NTM: variants seen among roughly 807,000 people sequenced by gnomAD.
NTM encodes neurotrimin, also known as IgLON family member 2.
NTM carries 13 observed loss-of-function variants against 42.1 expected under a neutral mutation model. The observed-to-expected ratio is 0.31, with a 90% CI of 0.20 to 0.49. The LOEUF is 0.49. Among genes scored for constraint, NTM ranks in the 20% least tolerant of loss-of-function variants. The pLI is 0.99. For synonymous variants in NTM, 187 were observed against 179.2 expected (o/e 1.04, Z -0.35); for missense variants, 373 against 452.8 (o/e 0.82, Z 1.60).
In NTM at chr11:131,533,201, A is replaced by C. The variant is rs565939491; in HGVS notation, c.82+162313A>C. Among the ~76,000 whole-genome samples the C allele has an allele frequency of 2.0e-5, 3 of 152,350 alleles. No homozygotes were observed. The East Asian group carries it at 5.8e-4, about 29-fold the overall frequency. On this transcript the variant is annotated intron_variant, in intron 1 of 8. Transcript: ENST00000683400. Reference sequence around the variant, plus strand: ...TAGCAGAAGTGGGAATGGCAAGCTAAATAACAACCCAGGAAAACCACTGCA... The same window carrying C: ...TAGCAGAAGTGGGAATGGCAAGCTACATAACAACCCAGGAAAACCACTGCA...
At chr11:131,735,574 G>A (rs1055770512) in intron 1 of NTM, among the ~76,000 whole-genome samples, 2 of 152,202 alleles carry the variant, frequency 1.3e-5, no homozygotes, top group African/African-American at 4.8e-5. Flanking sequence ...GGCTAGTCTT[G>A]TTCCACATAT....
intron 1 of NTM, among the ~76,000 whole-genome samples, chr11:131,740,470 C>T (rs1378183170): frequency 6.6e-6 from 1 of 152,170 alleles, no homozygotes; most frequent in Middle Eastern, 3.4e-3. Flanking sequence ...TAGTTCTTAC[C>T]TACTAATTGG....
intron 1 of NTM, among the ~76,000 whole-genome samples, chr11:131,659,241 A>T (rs2067630643): frequency 6.6e-6 from 1 of 152,210 alleles, no homozygotes; most frequent in South Asian, 2.1e-4. Context: ...TCAAGAACAG[A>T]GGTACTGACA....
At chr11:131,906,346 G>A (rs2053851425) in intron 1 of NTM, among the ~76,000 whole-genome samples, 1 of 152,066 alleles carries the variant, frequency 6.6e-6, no homozygotes, top group South Asian at 2.1e-4. Context: ...CCCTGCTGTA[G>A]GAGTCAGGAG....
At position 132,335,256 on chromosome 11, in the gene NTM, A is replaced by G; in HGVS notation, c.*110A>G. On this transcript the variant is annotated 3_prime_UTR_variant, in exon 9 of 9. Coordinates refer to ENST00000683400, the MANE Select transcript of NTM (RefSeq NM_001352005.2). Reference sequence around the variant, plus strand: ...ATCAGATATATACAAATGAAATTAGAAGAAACACAGCCTCATGGGACAGAA... The same window carrying G: ...ATCAGATATATACAAATGAAATTAGGAGAAACACAGCCTCATGGGACAGAA... 8.5e-7 allele frequency: 1 copy of G among 1,177,308 alleles called. No individual in the cohort carries two copies. Among genetic ancestry groups the G allele is most frequent in the Non-Finnish European group, 1.2e-6 (1 of 849,116 alleles). The allele number at this position is 1,177,308 out of a possible 1,614,324, so 72.9% of individuals were successfully genotyped here. A position where few individuals can be genotyped will look rare whatever the true frequency, so the allele number is the denominator to read the frequency against.
intron 6 of NTM, among the ~76,000 whole-genome samples, chr11:132,310,579 A>G (rs539938259): frequency 1.3e-5 from 2 of 152,180 alleles, no homozygotes; most frequent in Admixed American, 1.3e-4. Flanking sequence ...TTTTTACCAC[A>G]TTCTCAGGCT....
At chr11:131,717,052 G>A (rs1565462173) in intron 1 of NTM, among the ~76,000 whole-genome samples, 1 of 151,918 alleles carries the variant, frequency 6.6e-6, no homozygotes, top group Non-Finnish European at 1.5e-5. Context: ...TGTTTCCCAG[G>A]AGTTTCTTGA....
intron 1 of NTM, among the ~76,000 whole-genome samples, chr11:131,603,197 C>A (rs1401927384): frequency 2.0e-5 from 3 of 152,136 alleles, no homozygotes; most frequent in African/African-American, 7.2e-5. Flanking sequence ...TAACTCGGTG[C>A]CATTTATCAT....
chr11:132,335,614 ACGG>A lies in NTM; in HGVS notation c.*471_*473del, dbSNP rs2095866486. ...GGGCACTTTGGTAGACTGTGCCACC[ACGG>A]CGTGTGTTGTGAAACGTGAAATAAA... On this transcript the variant is annotated 3_prime_UTR_variant, in exon 9 of 9. Coordinates refer to ENST00000683400, the MANE Select transcript of NTM (RefSeq NM_001352005.2). 1 of 152,966 alleles carries A rather than the reference ACGG, an allele frequency of 6.5e-6. No homozygotes were observed. 9.5% of individuals were successfully genotyped at this position (152,966 alleles called of 1,614,324 possible). A position where few individuals can be genotyped will look rare whatever the true frequency, so the allele number is the denominator to read the frequency against.
intron 1 of NTM, among the ~76,000 whole-genome samples, chr11:131,487,504 C>G (rs1004132591): frequency 6.6e-6 from 1 of 152,198 alleles, no homozygotes; most frequent in Non-Finnish European, 1.5e-5. Context: ...ACTTCCTGTT[C>G]TGTTATCATT....
At chr11:131,487,020 C>T (rs751073775) in intron 1 of NTM, among the ~76,000 whole-genome samples, 6 of 152,120 alleles carry the variant, frequency 3.9e-5, no homozygotes, top group Non-Finnish European at 7.4e-5. Flanking sequence ...TTCAGTAGCA[C>T]CACGCACCCA....
chr11:132,132,476 G>A (rs2067002364), intron 2 of NTM, among the ~76,000 whole-genome samples: 1 of 152,154 alleles, frequency 6.6e-6, no homozygotes, highest in Admixed American at 6.5e-5. Context: ...CATCTTCACA[G>A]GCATATGAGC....
Position 131,569,013 on chromosome 11 carries a change from C to T in NTM, c.82+198125C>T, listed in dbSNP as rs571655078. On this transcript the variant is annotated intron_variant, in intron 1 of 8. Transcript: ENST00000683400. ...ATTTTGCATCCATTACTGCAATCAACTTTAGAACATTTTCGTTATCCAGAA... is the reference window on the plus strand; with the variant it reads ...ATTTTGCATCCATTACTGCAATCAATTTTAGAACATTTTCGTTATCCAGAA... Among the ~76,000 whole-genome samples, 7 of 152,286 alleles carry T rather than the reference C, an allele frequency of 4.6e-5. No homozygotes were observed. In the East Asian group the frequency reaches 5.8e-4, roughly 13 times the overall value.
intron 3 of NTM, among the ~76,000 whole-genome samples, chr11:132,148,028 G>A (rs144893915): frequency 6.6e-6 from 1 of 152,154 alleles, no homozygotes; most frequent in South Asian, 2.1e-4. Flanking sequence ...TGGGCAGAAC[G>A]TATGCCAGGG....
intron 1 of NTM, among the ~76,000 whole-genome samples, chr11:131,854,505 A>G (rs2045913323): frequency 6.6e-6 from 1 of 152,164 alleles, no homozygotes; most frequent in African/African-American, 2.4e-5. Context: ...GCACTGCAAA[A>G]AGCAGAAGGA....
chr11:131,493,883 C>A (rs999135211), intron 1 of NTM, among the ~76,000 whole-genome samples: 2 of 152,192 alleles, frequency 1.3e-5, no homozygotes, highest in Admixed American at 6.5e-5. Flanking sequence ...TGAGCTGCAC[C>A]TCCATAGCCA....
At chr11:132,244,568 G>A (rs1444952421) in intron 4 of NTM, among the ~76,000 whole-genome samples, 1 of 152,144 alleles carries the variant, frequency 6.6e-6, no homozygotes, top group Non-Finnish European at 1.5e-5. Context: ...ATCTCTCTCT[G>A]GCTCTAGGCT....
At chr11:131,748,953 C>T (rs2082157137) in intron 1 of NTM, among the ~76,000 whole-genome samples, 1 of 152,194 alleles carries the variant, frequency 6.6e-6, no homozygotes, top group African/African-American at 2.4e-5. Flanking sequence ...TTGGGTGTAC[C>T]TCTGTGGCCT....
chr11:131,900,508 C>T (rs1203698543), intron 1 of NTM, among the ~76,000 whole-genome samples: 3 of 152,100 alleles, frequency 2.0e-5, no homozygotes, highest in East Asian at 1.9e-4. Flanking sequence ...AGGACATCCA[C>T]GTAAGATGAA....
Sources: gnomAD v4.1 joint callset for allele counts (sites outside exome capture counted in the v4.1 genomes callset) on GRCh38, gnomAD v4.1.1 for gene constraint, MANE v1.5 for transcripts, NCBI Gene and HGNC (gene_info 2026-07-23, HGNC 2026-07-21) for gene names.